The following CPQ variants were observed in gnomAD, a reference collection of about 807,000 sequenced individuals.
CPQ encodes the protein carboxypeptidase Q, also known as Ser-Met dipeptidase.
Under a neutral mutation model 45.7 loss-of-function variants are expected in CPQ, and 37 were observed. The observed-to-expected ratio is 0.81, with a 90% CI of 0.62 to 1.07. CPQ has a LOEUF of 1.07. Ranked by LOEUF, CPQ falls within the 50% of genes least tolerant of loss-of-function variation. The pLI is 0.00. For synonymous variants in CPQ, 186 were observed against 205.8 expected, an observed-to-expected ratio of 0.90 and a Z score of 0.82; for missense variants, 537 against 572.9, an observed-to-expected ratio of 0.94 and a Z score of 0.64.
At chr8:96,939,218 G>T (rs1813092498) in intron 4 of CPQ, among the ~76,000 whole-genome samples, 1 of 152,134 alleles carries the variant, frequency 6.6e-6, no homozygotes, top group Non-Finnish European at 1.5e-5. Flanking sequence ...AGGCAATCAG[G>T]CATTAGTTAG....
intron 1 of CPQ, among the ~76,000 whole-genome samples, chr8:96,650,269 AT>A (rs1250432981): frequency 6.6e-6 from 1 of 152,220 alleles, no homozygotes; most frequent in African/African-American, 2.4e-5. Context: ...AAGGGTAATG[AT>A]TCGGAGAAAT....
chr8:96,881,270 G>A lies in CPQ; in HGVS notation c.849+1265G>A, dbSNP rs558929522. ...TGCAGGCTGTACAGGAAGCATGGCG[G>A]CATCTGCTTCTGGGAAGGCTTCACA... On this transcript the variant is annotated intron_variant, in intron 4 of 7. Coordinates refer to ENST00000220763, the MANE Select transcript of CPQ (RefSeq NM_016134.4). Among the ~76,000 whole-genome samples the A allele has an allele frequency of 2.0e-3, 302 of 152,270 alleles. 2 individuals carry two copies. Among genetic ancestry groups the A allele is most frequent in the African/African-American group, 6.8e-3 (281 of 41,554 alleles).
intron 4 of CPQ, among the ~76,000 whole-genome samples, chr8:96,920,267 G>C (rs1298427280): frequency 6.6e-6 from 1 of 152,120 alleles, no homozygotes; most frequent in Non-Finnish European, 1.5e-5. Context: ...TTTCTTCACT[G>C]AGCCCTATTA....
intron 4 of CPQ, among the ~76,000 whole-genome samples, chr8:96,882,879 A>G (rs192974308): frequency 9.2e-5 from 14 of 152,224 alleles, no homozygotes; most frequent in Non-Finnish European, 1.9e-4. Flanking sequence ...CAATTATAAT[A>G]TATAATATTT....
intron 4 of CPQ, among the ~76,000 whole-genome samples, chr8:96,884,015 T>G (rs528647741): frequency 1.1e-3 from 170 of 152,324 alleles, no homozygotes; most frequent in African/African-American, 3.9e-3. Flanking sequence ...TCTGGAAGTT[T>G]TACTGCCCTT....
chr8:96,917,200 G>A (rs1205871090), intron 4 of CPQ, among the ~76,000 whole-genome samples: 6 of 152,024 alleles, frequency 3.9e-5, no homozygotes, highest in Non-Finnish European at 8.8e-5. Flanking sequence ...CTTTAAGGGT[G>A]TAGTTTGTAT....
chr8:96,742,720 C>A (rs1810110654), intron 1 of CPQ, among the ~76,000 whole-genome samples: 1 of 152,088 alleles, frequency 6.6e-6, no homozygotes, highest in African/African-American at 2.4e-5. Flanking sequence ...TATTTTATTT[C>A]TCCTTAACTT....
At position 97,132,353 on chromosome 8, in the gene CPQ, C is replaced by T. The variant is rs1191234435; in HGVS notation, c.1256-10667C>T. On this transcript the variant is annotated intron_variant, in intron 7 of 7. Transcript: ENST00000220763. ...TTGTGTCACCTGGGCATCTGTGCAG[C>T]ACTCCTGCCAAACAGTCCTGCTAAA... 4.9e-4 allele frequency among the ~76,000 whole-genome samples: 74 copies of T among 152,334 alleles called. 1 individual carries two copies. The highest frequency in any genetic ancestry group is 5.9e-5 in the Non-Finnish European group (4 of 68,034).
intron 1 of CPQ, among the ~76,000 whole-genome samples, chr8:96,747,592 A>G (rs973575604): frequency 3.3e-5 from 5 of 152,208 alleles, no homozygotes; most frequent in Non-Finnish European, 4.4e-5. Flanking sequence ...TGTGTAGTGT[A>G]AAGATTATTG....
intron 4 of CPQ, among the ~76,000 whole-genome samples, chr8:96,939,205 A>G (rs1458841349): frequency 6.6e-6 from 1 of 152,252 alleles, no homozygotes; most frequent in Non-Finnish European, 1.5e-5. Context: ...ACCTCAGATC[A>G]TCAGGCAATC....
intron 3 of CPQ, among the ~76,000 whole-genome samples, chr8:96,865,834 C>G (rs1248879021): frequency 3.3e-5 from 5 of 152,024 alleles, no homozygotes; most frequent in Admixed American, 3.3e-4. Flanking sequence ...ACTCCATTCA[C>G]TCATTTATTC....
At chr8:96,712,988 T>G (rs1563476516) in intron 1 of CPQ, among the ~76,000 whole-genome samples, 1 of 152,112 alleles carries the variant, frequency 6.6e-6, no homozygotes, top group Admixed American at 6.5e-5. Context: ...CGCTAGATCA[T>G]CTCTCTCAAG....
At chr8:96,774,060 C>G (rs1447640067) in intron 1 of CPQ, among the ~76,000 whole-genome samples, 4 of 152,092 alleles carry the variant, frequency 2.6e-5, no homozygotes, top group African/African-American at 9.7e-5. Flanking sequence ...CACCTGAGGT[C>G]AGGAGTTCAA....
intron 5 of CPQ, among the ~76,000 whole-genome samples, chr8:97,001,721 C>CTTTTTTTTTTTTTTTTTTTTTG (rs1809284510): frequency 1.1e-5 from 1 of 92,092 alleles, no homozygotes; most frequent in Non-Finnish European, 2.0e-5. Flanking sequence ...TTCTTTCTTT[C>CTTTTTTTTTTTTTTTTTTTTTG]TTTTTTTTTT....
chr8:97,128,719 C>A (rs1396860041), intron 7 of CPQ, among the ~76,000 whole-genome samples: 1 of 152,166 alleles, frequency 6.6e-6, no homozygotes, highest in African/African-American at 2.4e-5. Flanking sequence ...AAAACTTTCT[C>A]CTCAGCTTAT....
chr8:97,041,398 G>T (rs1810122392), intron 6 of CPQ, among the ~76,000 whole-genome samples: 1 of 152,076 alleles, frequency 6.6e-6, no homozygotes. Flanking sequence ...AGACAATGGG[G>T]TTTTCTAGAT....
At chr8:96,848,375 A>G (rs1454899987) in intron 3 of CPQ, among the ~76,000 whole-genome samples, 2 of 152,244 alleles carry the variant, frequency 1.3e-5, no homozygotes, top group Admixed American at 6.5e-5. Flanking sequence ...GGAAGAAATT[A>G]TAACAATTTA....
intron 7 of CPQ, among the ~76,000 whole-genome samples, chr8:97,103,821 A>G (rs1028354665): frequency 1.3e-5 from 2 of 152,174 alleles, no homozygotes; most frequent in African/African-American, 2.4e-5. Flanking sequence ...GTAGAACATC[A>G]GAGGTATCCT....
At chr8:96,733,585 A>G (rs993466619) in intron 1 of CPQ, among the ~76,000 whole-genome samples, 3 of 152,230 alleles carry the variant, frequency 2.0e-5, no homozygotes, top group African/African-American at 7.2e-5. Context: ...TGTAAGTCCC[A>G]TATATGATTA....
Sources: allele counts gnomAD v4.1 joint callset (sites outside exome capture counted in the v4.1 genomes callset), GRCh38; gene constraint gnomAD v4.1.1; transcripts MANE v1.5; gene names NCBI Gene and HGNC (gene_info 2026-07-23, HGNC 2026-07-21).